Variants in HLCS observed in about 807,000 individuals in gnomAD.
HLCS encodes the protein holocarboxylase synthetase.
In HLCS, 53 loss-of-function variants were observed where a neutral mutation model predicts 75.0. The ratio of observed to expected loss-of-function variants is 0.71; its 90% CI spans 0.57 to 0.89. The LOEUF (loss-of-function observed/expected upper bound fraction) is 0.89, where lower values mean the gene tolerates loss of function less well. Among genes scored for constraint, HLCS ranks in the 40% least tolerant of loss-of-function variants. The pLI is 0.00. For synonymous variants in HLCS, 431 were observed against 428.6 expected (o/e 1.01, Z -0.07); for missense variants, 966 against 1,074.0 (o/e 0.90, Z 1.41).
chr21:36,897,899 G>A (rs1300511855), intron 5 of HLCS, among the ~76,000 whole-genome samples: 1 of 152,172 alleles, frequency 6.6e-6, no homozygotes, highest in Non-Finnish European at 1.5e-5. Context: ...CAGGAACTGA[G>A]GGCTGAGGGA....
intron 5 of HLCS, among the ~76,000 whole-genome samples, chr21:36,926,051 G>A (rs80039015): frequency 6.6e-6 from 1 of 152,230 alleles, no homozygotes; most frequent in East Asian, 1.9e-4. Flanking sequence ...GTGGCGGGAA[G>A]ATGTGGTGGC....
At chr21:36,983,687 A>G (rs550465613) in intron 1 of HLCS, among the ~76,000 whole-genome samples, 10 of 151,528 alleles carry the variant, frequency 6.6e-5, no homozygotes, top group Admixed American at 5.9e-4. Flanking sequence ...AATACAAAAA[A>G]TTAGCCCGGC....
At chr21:36,988,701 C>G (rs1008765662) in intron 1 of HLCS, among the ~76,000 whole-genome samples, 5 of 152,350 alleles carry the variant, frequency 3.3e-5, no homozygotes, top group Non-Finnish European at 5.9e-5. Context: ...TGTTACCCCA[C>G]AGACTGTCCT....
chr21:36,926,395 A>T lies in HLCS; in HGVS notation c.1620+3856T>A, dbSNP rs547883690. 1.6e-3 allele frequency among the ~76,000 whole-genome samples: 240 copies of T among 152,274 alleles called. 2 individuals are homozygous for T. The highest frequency in any genetic ancestry group is 5.5e-3 in the African/African-American group (228 of 41,552). On this transcript the variant is annotated intron_variant, in intron 5 of 10. Transcript: ENST00000674895. ...TATCAGAGCGAACCCTTTCTAAATA[A>T]TATGTCAAATATTAATATTAACCAA...
intron 6 of HLCS, among the ~76,000 whole-genome samples, chr21:36,891,438 G>A (rs996481379): frequency 2.0e-5 from 3 of 152,288 alleles, no homozygotes; most frequent in Admixed American, 6.5e-5. Context: ...TACCTGAACC[G>A]GGGGTGCTAG....
intron 5 of HLCS, among the ~76,000 whole-genome samples, chr21:36,915,221 G>A (rs1048849857): frequency 2.0e-5 from 3 of 152,212 alleles, no homozygotes; most frequent in African/African-American, 4.8e-5. Context: ...TGGGCTGACC[G>A]CAGCTTCTTC....
chr21:36,855,843 G>A (rs1190752938), intron 6 of HLCS, among the ~76,000 whole-genome samples: 1 of 152,166 alleles, frequency 6.6e-6, no homozygotes. Context: ...TTCCCAAAGT[G>A]CTGGGATTAC....
At chr21:36,787,854 C>T (rs993972867) in intron 6 of HLCS, among the ~76,000 whole-genome samples, 3 of 152,184 alleles carry the variant, frequency 2.0e-5, no homozygotes, top group Non-Finnish European at 4.4e-5. Flanking sequence ...CTGTTATTTA[C>T]TGTTCCCTGG....
At chr21:36,910,867 C>A (rs537420464) in intron 5 of HLCS, among the ~76,000 whole-genome samples, 4 of 152,132 alleles carry the variant, frequency 2.6e-5, no homozygotes, top group African/African-American at 9.7e-5. Context: ...AAAACTGCTG[C>A]TTCCTGCTTC....
chr21:36,980,533 G>T (rs998523249), intron 1 of HLCS: 1 of 152,330 alleles, frequency 6.6e-6, no homozygotes, highest in East Asian at 1.9e-4. Flanking sequence ...GTGGAATCTG[G>T]TAAGTTCTTA....
Position 36,897,133 on chromosome 21 carries a change from T to G in HLCS, c.1621-2A>C. 1 of 1,614,124 alleles carries G rather than the reference T, an allele frequency of 6.2e-7. No homozygotes were observed. On this transcript the variant is annotated splice_acceptor_variant, in intron 5 of 10. Transcript: ENST00000674895. LOFTEE classifies it high-confidence loss of function. ...CTGCATAAGAGGATCCCTGATTTCC[T>G]GTGTCATAAAGAAAGAAATGAGATG...
intron 6 of HLCS, among the ~76,000 whole-genome samples, chr21:36,857,436 T>C (rs1259631740): frequency 6.6e-6 from 1 of 152,212 alleles, no homozygotes. Flanking sequence ...ACTAGTCCTA[T>C]TCCGAAGAGG....
intron 6 of HLCS, among the ~76,000 whole-genome samples, chr21:36,864,549 C>CA (rs2063492554): frequency 6.6e-6 from 1 of 152,096 alleles, no homozygotes; most frequent in South Asian, 2.1e-4. Context: ...AAATACACAT[C>CA]AAAAAATTGT....
intron 6 of HLCS, among the ~76,000 whole-genome samples, chr21:36,883,299 A>C (rs1189581413): frequency 2.0e-5 from 3 of 152,254 alleles, no homozygotes; most frequent in African/African-American, 4.8e-5. Flanking sequence ...AATAAGCCAC[A>C]AAGCTAAGTC....
intron 2 of HLCS, among the ~76,000 whole-genome samples, chr21:36,942,005 CA>C (rs1349544410): frequency 2.9e-4 from 42 of 143,088 alleles, no homozygotes; most frequent in Admixed American, 5.6e-4. Context: ...GAAACTGTCT[CA>C]AAAAAAAAAA....
Position 36,879,437 on chromosome 21 carries a change from G to C in HLCS, c.1892+17423C>G, listed in dbSNP as rs181743760. Reference sequence around the variant, plus strand: ...GTAGGAGGAAATAAAAGACTAGAAGGAGATACACCAGAAGATTAACATGAT... The same window carrying C: ...GTAGGAGGAAATAAAAGACTAGAAGCAGATACACCAGAAGATTAACATGAT... On this transcript the variant is annotated intron_variant, in intron 6 of 10. Coordinates refer to ENST00000674895, the MANE Select transcript of HLCS (RefSeq NM_001352514.2). 3.9e-3 allele frequency among the ~76,000 whole-genome samples: 594 copies of C among 152,292 alleles called. 5 individuals carry two copies. The highest frequency in any genetic ancestry group is 6.4e-3 in the Non-Finnish European group (435 of 68,014).
At chr21:36,776,794 C>T (rs1026943502) in intron 6 of HLCS, among the ~76,000 whole-genome samples, 12 of 152,200 alleles carry the variant, frequency 7.9e-5, no homozygotes, top group Non-Finnish European at 1.8e-4. Context: ...GCTCTGCAGC[C>T]GTATGGTTTC....
intron 1 of HLCS, among the ~76,000 whole-genome samples, chr21:36,964,233 G>T (rs1471886578): frequency 6.6e-6 from 1 of 152,164 alleles, no homozygotes; most frequent in Non-Finnish European, 1.5e-5. Flanking sequence ...CAACATATGG[G>T]CATGAGATTC....
At chr21:36,834,835 T>A (rs1240754339) in intron 6 of HLCS, among the ~76,000 whole-genome samples, 1 of 152,360 alleles carries the variant, frequency 6.6e-6, no homozygotes, top group South Asian at 2.1e-4. Flanking sequence ...ATTACAGGCA[T>A]GAGCCACCAC....
Sources: allele counts gnomAD v4.1 joint callset (sites outside exome capture counted in the v4.1 genomes callset), GRCh38; gene constraint gnomAD v4.1.1; transcripts MANE v1.5; gene names NCBI Gene and HGNC (gene_info 2026-07-23, HGNC 2026-07-21).